TSR3: variants seen among roughly 807,000 people sequenced by gnomAD.
The protein encoded by TSR3 is 18S rRNA aminocarboxypropyltransferase.
In TSR3, 31 loss-of-function variants were observed where a neutral mutation model predicts 28.1. The ratio of observed to expected loss-of-function variants is 1.10; its 90% CI spans 0.83 to 1.49. The LOEUF is 1.49. TSR3 is among the 40% of genes most tolerant of loss of function. The probability of loss-of-function intolerance (pLI) is 0.00; values close to 1 mark genes in which losing one functional copy is unlikely to be tolerated. For synonymous variants in TSR3, 219 were observed against 197.2 expected, an observed-to-expected ratio of 1.11 and a Z score of -0.93; for missense variants, 511 against 444.0, an observed-to-expected ratio of 1.15 and a Z score of -1.36.
chr16:1,350,729 G>T, intron 3 of TSR3, 78 bp downstream of exon 3: 3 of 1,502,676 alleles, frequency 2.0e-6, no homozygotes, highest in South Asian at 1.2e-5. Flanking sequence ...GGGGTCTGTC[G>T]GCAGGAAACA....
At position 1,349,314 on chromosome 16, in the gene TSR3, G is replaced by T; in HGVS notation, c.*123C>A. The T allele has an allele frequency of 9.2e-7, 1 of 1,090,866 alleles. No homozygotes were observed. The highest frequency in any genetic ancestry group is 1.4e-6 in the Non-Finnish European group (1 of 711,520). The allele number at this position is 1,090,866 out of a possible 1,614,324, so 67.6% of individuals were successfully genotyped here. ...CACAGCTGTGCTGGAAGTGTGGGGA[G>T]AACCCGGACAGCTCAGTCCTGCCAG... On this transcript the variant is annotated 3_prime_UTR_variant, in exon 6 of 6. Coordinates refer to ENST00000007390, the MANE Select transcript of TSR3 (RefSeq NM_001001410.3).
intron 3 of TSR3, among the ~76,000 whole-genome samples, 174 bp from the exon 4 acceptor site, chr16:1,350,408 A>G (rs568745282): frequency 6.6e-6 from 1 of 152,226 alleles, no homozygotes; most frequent in Non-Finnish European, 1.5e-5. Flanking sequence ...CCCTTGCTAC[A>G]GTCCACACCT....
At chr16:1,350,554 G>A (rs1368799715) in intron 3 of TSR3, among the ~76,000 whole-genome samples, 6 of 152,186 alleles carry the variant, frequency 3.9e-5, no homozygotes. Flanking sequence ...TCTCTGGGCA[G>A]TGGTGCCCTG....
chr16:1,350,859 C>T lies in TSR3; in HGVS notation c.474G>A (p.Arg158=). The T allele has an allele frequency of 6.2e-7, 1 of 1,613,066 alleles. No individual in the cohort carries two copies. Among genetic ancestry groups the T allele is most frequent in the Middle Eastern group, 1.7e-4 (1 of 6,060 alleles). ...LVAANPVNYG[R]PYRLSCVEAF... ...CTTCCACGCAGGAAAGTCTGTAGGG[C>T]CGGCCATAGTTCACGGGGTTGGCGG... Residue 158 remains arginine (R), a synonymous_variant, in exon 3 of 6, where the codon CGG becomes CGA. Transcript: ENST00000007390.
intron 2 of TSR3, 50 bp from the exon 3 acceptor site, chr16:1,351,050 G>A: frequency 6.4e-7 from 1 of 1,570,718 alleles, no homozygotes; most frequent in Non-Finnish European, 8.7e-7. Context: ...TACCCAAGGT[G>A]GAGCATGCCC....
rs1378665463 is a variant in TSR3, at chr16:1,351,387, G to T, written c.324C>A (p.Pro108=). 2 of 1,585,682 alleles carry T rather than the reference G, an allele frequency of 1.3e-6. No individual in the cohort carries two copies. The highest frequency in any genetic ancestry group is 2.3e-5 in the East Asian group (1 of 44,366). ...AGGCCTCCCGCGCCTACCTGTCTGCGGGGGACGCGTACTGCTTGCCCACGG... is the reference window on the plus strand; with the variant it reads ...AGGCCTCCCGCGCCTACCTGTCTGCTGGGGACGCGTACTGCTTGCCCACGG... ...LSPVGKQYAS[P]ADRQLVAQSG... Residue 108 remains proline, a synonymous_variant, in exon 2 of 6, where the codon CCC becomes CCA. Coordinates refer to ENST00000007390, the MANE Select transcript of TSR3 (RefSeq NM_001001410.3).
rs747405943 is a variant in TSR3 at position 1,351,361 on chromosome 16, C to A, written c.332+18G>T. Reference sequence around the variant, plus strand: ...CGCTGGAAATGAAGACGACCTCGGGCAGGCCTCCCGCGCCTACCTGTCTGC... The same window carrying A: ...CGCTGGAAATGAAGACGACCTCGGGAAGGCCTCCCGCGCCTACCTGTCTGC... On this transcript the variant is annotated intron_variant, in intron 2 of 5. Transcript: ENST00000007390. 1 of 1,567,946 alleles carries A rather than the reference C, an allele frequency of 6.4e-7. No individual in the cohort carries two copies. Among genetic ancestry groups the A allele is most frequent in the Non-Finnish European group, 8.6e-7 (1 of 1,165,134 alleles).
intron 2 of TSR3, 61 bp downstream of exon 2, chr16:1,351,318 T>C: frequency 6.6e-7 from 1 of 1,510,560 alleles, no homozygotes. Context: ...CACTAAACCA[T>C]CCCTGAAGGG....
chr16:1,350,038 C>G lies in TSR3; in HGVS notation c.703+20G>C. On this transcript the variant is annotated intron_variant, in intron 4 of 5. Coordinates refer to ENST00000007390, the MANE Select transcript of TSR3 (RefSeq NM_001001410.3). The stretch of plus-strand genomic sequence containing the variant: ...CCCCAGGCTTTGGAGGGCCTTGGTT[C>G]CCACCCCGCCAAGGCTCACCGATCT... The G allele has an allele frequency of 6.2e-7, 1 of 1,609,094 alleles. No individual in the cohort carries two copies. Among genetic ancestry groups the G allele is most frequent in the African/African-American group, 1.3e-5 (1 of 74,934 alleles).
In TSR3 at chr16:1,350,910, G is replaced by A. The variant is rs112658097; in HGVS notation, c.423C>T (p.His141=). Residue 141 remains histidine, a synonymous_variant, in exon 3 of 6, where the codon CAC becomes CAT. Coordinates refer to ENST00000007390, the MANE Select transcript of TSR3 (RefSeq NM_001001410.3). ...CCACCAGGTAGGGCAACAGGCGCAA[G>A]TGGCTCCCTCGCATCTTCCCAAACG... is the stretch of plus-strand genomic sequence containing the variant. The part of the protein sequence containing the change: ...ETPFGKMRGS[H]LRLLPYLVAA... 58 of 1,613,012 alleles carry A rather than the reference G, an allele frequency of 3.6e-5. 1 individual carries two copies. In the African/African-American group the frequency reaches 5.9e-4, roughly 16 times the overall value.
At position 1,351,827 on chromosome 16, in the gene TSR3, G is replaced by A. The variant is rs958857563; in HGVS notation, c.-23C>T. The stretch of plus-strand genomic sequence containing the variant: ...CATGGCGCGGACCTGGGGTGCCGGG[G>A]ACTCCCCACCCCACGGCCGCGCCCC... On this transcript the variant is annotated 5_prime_UTR_variant, in exon 1 of 6. Coordinates refer to ENST00000007390, the MANE Select transcript of TSR3 (RefSeq NM_001001410.3). The A allele has an allele frequency of 3.5e-4, 452 of 1,302,566 alleles. No homozygotes were observed. Among genetic ancestry groups the A allele is most frequent in the Non-Finnish European group, 4.1e-4 (426 of 1,030,508 alleles). The allele number at this position is 1,302,566 out of a possible 1,614,324, so 80.7% of individuals were successfully genotyped here. A position where few individuals can be genotyped will look rare whatever the true frequency, so the allele number is the denominator to read the frequency against.
At chr16:1,350,740 T>C (rs942652939) in intron 3 of TSR3, 67 bp downstream of exon 3, 39 of 1,537,974 alleles carry the variant, frequency 2.5e-5, no homozygotes, top group Non-Finnish European at 3.2e-5. Context: ...GCAGGAAACA[T>C]GATGCTGGGA....
intron 1 of TSR3, 41 bp from the exon 2 acceptor site, chr16:1,351,639 C>A: frequency 7.0e-7 from 1 of 1,434,464 alleles, no homozygotes; most frequent in Non-Finnish European, 9.1e-7. Flanking sequence ...CAGCGTGGGA[C>A]CCCCGGGCAG....
At chr16:1,349,857 G>A in intron 5 of TSR3, 32 bp downstream of exon 5, 1 of 1,612,132 alleles carries the variant, frequency 6.2e-7, no homozygotes, top group African/African-American at 1.3e-5. Context: ...CCCTGGGTCT[G>A]AGTGATCATG....
At chr16:1,351,057 GC>G in intron 2 of TSR3, 57 bp from the exon 3 acceptor site, 2 of 1,552,790 alleles carry the variant, frequency 1.3e-6, no homozygotes, top group Non-Finnish European at 1.8e-6. Context: ...GGTGGAGCAT[GC>G]CCCGGAGAAT....
At position 1,350,919 on chromosome 16, in the gene TSR3, T is replaced by C. The variant is rs201839514; in HGVS notation, c.414A>G (p.Arg138=). ...AGGGCAACAGGCGCAAGTGGCTCCC[T>C]CGCATCTTCCCAAACGGTGTCTCGT... ...RLDETPFGKM[R]GSHLRLLPYL... is the part of the protein sequence containing the mutation. Residue 138 remains arginine, a synonymous_variant, in exon 3 of 6, where the codon CGA becomes CGG. Transcript: ENST00000007390. The C allele has an allele frequency of 3.7e-6, 6 of 1,612,926 alleles. No homozygotes were observed. The highest frequency in any genetic ancestry group is 4.2e-6 in the Non-Finnish European group (5 of 1,180,010).
chr16:1,350,285 T>TG, intron 3 of TSR3, 51 bp from the exon 4 acceptor site: 1 of 1,534,244 alleles, frequency 6.5e-7, no homozygotes, highest in Non-Finnish European at 8.7e-7. Context: ...TCCCCTCAAG[T>TG]GCCTCCTGAT....
rs551184048 is a variant in TSR3, at chr16:1,351,640, C to A, written c.113-42G>T. 3.7e-5 allele frequency: 53 copies of A among 1,434,728 alleles called. No homozygotes were observed. The South Asian group carries it at 6.1e-4, about 16-fold the overall frequency. The allele number at this position is 1,434,728 out of a possible 1,614,324, so 88.9% of individuals were successfully genotyped here. ...AGGGCACTCGGCCTCAGCGTGGGAC[C>A]CCCGGGCAGGCCCTCAAACCCTGAC... On this transcript the variant is annotated intron_variant, in intron 1 of 5. Coordinates refer to ENST00000007390, the MANE Select transcript of TSR3 (RefSeq NM_001001410.3).
At chr16:1,350,785 G>A (rs376419500) in intron 3 of TSR3, 22 bp downstream of exon 3, 7 of 1,605,620 alleles carry the variant, frequency 4.4e-6, no homozygotes, top group Non-Finnish European at 4.3e-6. Context: ...GGGTCACACT[G>A]CTGTGGGGCC....
Sources: allele counts gnomAD v4.1 joint callset (sites outside exome capture counted in the v4.1 genomes callset), GRCh38; gene constraint gnomAD v4.1.1; transcripts MANE v1.5; gene names NCBI Gene and HGNC (gene_info 2026-07-23, HGNC 2026-07-21).